The following TGM6 variants were observed in gnomAD, a reference collection of about 807,000 sequenced individuals.
The protein encoded by TGM6 is protein-glutamine gamma-glutamyltransferase 6.
Under a neutral mutation model 77.5 loss-of-function variants are expected in TGM6, and 74 were observed. That is an observed-to-expected ratio of 0.96 (90% CI 0.79 to 1.16). TGM6 has a LOEUF of 1.16. Among genes scored for constraint, TGM6 ranks in the 50% most tolerant of loss-of-function variants. The probability of loss-of-function intolerance (pLI) is 0.00; values close to 1 mark genes in which losing one functional copy is unlikely to be tolerated. For missense variants in TGM6, 968 were observed against 940.2 expected (o/e 1.03, Z -0.39); for synonymous variants, 383 against 378.9 (o/e 1.01, Z -0.12).
At chr20:2,429,646 G>A (rs138147456) in intron 10 of TGM6, among the ~76,000 whole-genome samples, 1,561 of 152,142 alleles carry the variant, frequency 0.01, 17 homozygotes, top group Non-Finnish European at 0.013. Flanking sequence ...GCATGTGCCT[G>A]TAGTCCCAGC....
chr20:2,414,313 T>G (rs1599959205), intron 9 of TGM6, among the ~76,000 whole-genome samples: 1 of 152,210 alleles, frequency 6.6e-6, no homozygotes, highest in East Asian at 1.9e-4. Context: ...CATAAAAAGA[T>G]GCTTAACATC....
chr20:2,424,260 A>T (rs939978652), intron 10 of TGM6, among the ~76,000 whole-genome samples: 3 of 152,206 alleles, frequency 2.0e-5, no homozygotes, highest in African/African-American at 7.2e-5. Flanking sequence ...TCTTCTTCCA[A>T]TATAAAGCTA....
intron 1 of TGM6, among the ~76,000 whole-genome samples, chr20:2,393,969 C>G (rs546905127): frequency 1.3e-5 from 2 of 152,234 alleles, no homozygotes; most frequent in South Asian, 4.2e-4. Context: ...CTCATTAATT[C>G]AACCTTTGCA....
intron 4 of TGM6, among the ~76,000 whole-genome samples, chr20:2,397,119 G>A (rs1242030146): frequency 6.6e-6 from 1 of 152,192 alleles, no homozygotes; most frequent in African/African-American, 2.4e-5. Flanking sequence ...AGAATGATAG[G>A]GATGGAAGCA....
intron 7 of TGM6, among the ~76,000 whole-genome samples, chr20:2,401,904 C>T (rs2084712328): frequency 6.6e-6 from 1 of 152,156 alleles, no homozygotes; most frequent in Admixed American, 6.5e-5. Flanking sequence ...TGTCTGTTCA[C>T]ACATGTGCAA....
chr20:2,396,879 T>A (rs1195182033), intron 4 of TGM6, among the ~76,000 whole-genome samples: 2 of 152,114 alleles, frequency 1.3e-5, no homozygotes, highest in Admixed American at 1.3e-4. Flanking sequence ...TGAATAGCTC[T>A]GATCAGTGGT....
chr20:2,420,414 T>C (rs1200160659), intron 10 of TGM6, among the ~76,000 whole-genome samples: 1 of 152,204 alleles, frequency 6.6e-6, no homozygotes, highest in African/African-American at 2.4e-5. Context: ...CCTCTCCTCC[T>C]GTTATTAACA....
At chr20:2,419,313 T>C (rs1490897842) in intron 10 of TGM6, among the ~76,000 whole-genome samples, 1 of 152,224 alleles carries the variant, frequency 6.6e-6, no homozygotes, top group Admixed American at 6.5e-5. Context: ...AAATTGTTGC[T>C]CTGGGCCAGT....
At chr20:2,414,785 C>T (rs1371736362) in intron 9 of TGM6, among the ~76,000 whole-genome samples, 5 of 151,942 alleles carry the variant, frequency 3.3e-5, no homozygotes, top group Non-Finnish European at 5.9e-5. Context: ...TGATGTTAAG[C>T]GGAAAAATTT....
intron 2 of TGM6, among the ~76,000 whole-genome samples, chr20:2,394,900 A>G (rs1457997053): frequency 1.3e-5 from 2 of 152,184 alleles, no homozygotes; most frequent in East Asian, 3.9e-4. Context: ...AAAACCCGTC[A>G]AGCACTTTGA....
chr20:2,415,921 A>G (rs1399609384), intron 9 of TGM6, among the ~76,000 whole-genome samples: 1 of 152,152 alleles, frequency 6.6e-6, no homozygotes, highest in Admixed American at 6.5e-5. Context: ...ACATGTCTAC[A>G]GGAGCCCCAC....
chr20:2,400,232 G>T (rs1181138308), intron 6 of TGM6, 74 bp from the exon 7 acceptor site: 8 of 1,605,634 alleles, frequency 5.0e-6, no homozygotes, highest in Non-Finnish European at 6.8e-6. Context: ...ATGAGCCAGG[G>T]CGCCTGCTGT....
At chr20:2,415,771 G>A (rs964403953) in intron 9 of TGM6, among the ~76,000 whole-genome samples, 11 of 152,158 alleles carry the variant, frequency 7.2e-5, no homozygotes, top group Non-Finnish European at 1.5e-4. Flanking sequence ...ATGCTGCTGC[G>A]CAGTTGGTGG....
intron 10 of TGM6, among the ~76,000 whole-genome samples, chr20:2,424,708 G>T (rs556555217): frequency 9.2e-5 from 14 of 152,228 alleles, no homozygotes; most frequent in African/African-American, 2.9e-4. Context: ...AAACCTTGCT[G>T]TTTGGCACAA....
intron 3 of TGM6, 152 bp downstream of exon 3, chr20:2,395,588 T>C: frequency 1.4e-6 from 2 of 1,438,050 alleles, no homozygotes; most frequent in Non-Finnish European, 1.9e-6. Flanking sequence ...AGGTAGGCAA[T>C]GGTCAGAGAA....
intron 9 of TGM6, among the ~76,000 whole-genome samples, chr20:2,410,729 G>A (rs2122392970): frequency 6.6e-6 from 1 of 152,234 alleles, no homozygotes; most frequent in Non-Finnish European, 1.5e-5. Flanking sequence ...TTGGTGTCCA[G>A]AGAGTTGGAG....
intron 1 of TGM6, among the ~76,000 whole-genome samples, chr20:2,383,784 A>G (rs886626140): frequency 1.3e-5 from 2 of 151,730 alleles, no homozygotes; most frequent in African/African-American, 4.9e-5. Flanking sequence ...GTGATGGGGG[A>G]GATGTGGGAA....
rs753641331 is a variant in TGM6, at chr20:2,430,493, C to T, written c.1726C>T (p.Leu576=). ...TISYSKYKED[L]TEDKKILLAA... is the part of the protein sequence containing the mutation. ...ATCTTACTCTAAGTATAAAGAAGAC[C>T]TGACAGAGGACAAGAAGATCCTGTT... Residue 576 remains leucine, a synonymous_variant, in exon 11 of 13, where the codon CTG becomes TTG. Transcript: ENST00000202625. 18 of 1,614,162 alleles carry T rather than the reference C, an allele frequency of 1.1e-5. No individual in the cohort carries two copies. Among genetic ancestry groups the T allele is most frequent in the Non-Finnish European group, 1.5e-5 (18 of 1,180,034 alleles).
chr20:2,418,040 TCTCA>T (rs1411976626), intron 10 of TGM6, among the ~76,000 whole-genome samples: 2 of 151,680 alleles, frequency 1.3e-5, no homozygotes, highest in Non-Finnish European at 2.9e-5. Flanking sequence ...TGAGACAGAG[TCTCA>T]CTCTGTCACC....
Sources: allele counts gnomAD v4.1 joint callset (sites outside exome capture counted in the v4.1 genomes callset), GRCh38; gene constraint gnomAD v4.1.1; transcripts MANE v1.5; gene names NCBI Gene and HGNC (gene_info 2026-07-23, HGNC 2026-07-21).